The following TMPRSS11F variants were observed in gnomAD, a reference collection of about 807,000 sequenced individuals.
TMPRSS11F encodes transmembrane protease serine 11F.
In TMPRSS11F, 47 loss-of-function variants were observed where a neutral mutation model predicts 60.2. The ratio of observed to expected loss-of-function variants is 0.78; its 90% confidence interval spans 0.62 to 1.00. The LOEUF is 1.00. TMPRSS11F is among the 50% of genes least tolerant of loss of function. The pLI, the probability that TMPRSS11F is intolerant of heterozygous loss-of-function variation, is 0.00. For missense variants in TMPRSS11F, 519 were observed against 522.9 expected, an observed-to-expected ratio of 0.99 and a Z score of 0.07; for synonymous variants, 166 against 167.3, an observed-to-expected ratio of 0.99 and a Z score of 0.06.
At chr4:68,082,648 C>T (rs1173020031) in intron 3 of TMPRSS11F, among the ~76,000 whole-genome samples, 2 of 152,242 alleles carry the variant, frequency 1.3e-5, no homozygotes, top group African/African-American at 4.8e-5. Context: ...TCTCCAACCC[C>T]ATGAGGCCAG....
chr4:68,075,453 C>T lies in TMPRSS11F; in HGVS notation c.283-1444G>A, dbSNP rs75427764. Among the ~76,000 whole-genome samples, 390 of 152,248 alleles carry T rather than the reference C, an allele frequency of 2.6e-3. 2 individuals carry two copies. Among genetic ancestry groups the T allele is most frequent in the Non-Finnish European group, 4.1e-3 (277 of 68,014 alleles). On this transcript the variant is annotated intron_variant, in intron 3 of 9. Coordinates refer to ENST00000356291, the MANE Select transcript of TMPRSS11F (RefSeq NM_207407.2). ...CAACACAATCTTACCCCTTCATTGG[C>T]CCCTACTTTGCCCCATCCCTACCTT...
intron 1 of TMPRSS11F, among the ~76,000 whole-genome samples, chr4:68,107,859 C>A (rs1306964858): frequency 2.0e-5 from 3 of 152,116 alleles, no homozygotes; most frequent in Non-Finnish European, 4.4e-5. Context: ...ATCGCTTGAA[C>A]CCAGGAGGCA....
At position 68,098,981 on chromosome 4, in the gene TMPRSS11F, TTGC is replaced by T; in HGVS notation, c.66_68del (p.Gln23del). 6.2e-7 allele frequency: 1 copy of T among 1,613,358 alleles called. No individual in the cohort carries two copies. Among genetic ancestry groups the T allele is most frequent in the Non-Finnish European group, 8.5e-7 (1 of 1,179,602 alleles). ...GAGCTAGCCGTACTGAGTCCCAAAA[TTGC>T]TGCTTTCTTTGATATTCAGCTCGTG... On this transcript the variant is annotated inframe_deletion, in exon 2 of 10. Coordinates refer to ENST00000356291, the MANE Select transcript of TMPRSS11F (RefSeq NM_207407.2).
intron 2 of TMPRSS11F, among the ~76,000 whole-genome samples, chr4:68,094,923 G>A (rs954129975): frequency 2.6e-5 from 4 of 151,752 alleles, no homozygotes; most frequent in Non-Finnish European, 5.9e-5. Flanking sequence ...ATTTATCTGG[G>A]TCATGAAAAT....
chr4:68,113,414 T>TA (rs35420726), intron 1 of TMPRSS11F, among the ~76,000 whole-genome samples: 92,753 of 146,308 alleles, frequency 0.63, 30,006 homozygotes, highest in Admixed American at 0.74. Flanking sequence ...ATGAAAAATG[T>TA]AAAAAAAAAA....
intron 3 of TMPRSS11F, 69 bp from the exon 4 acceptor site, chr4:68,074,078 G>A (rs1334011238): frequency 1.0e-6 from 1 of 973,504 alleles, no homozygotes; most frequent in South Asian, 1.9e-5. Flanking sequence ...TTTTTTAAAA[G>A]AAGTATTAGT....
rs752600734 is a variant in TMPRSS11F, at chr4:68,112,244, G to GC, written c.12-13207dup. ...GAACTGTCTTTGAGCCTTTGAACAT[G>GC]CCCCCACACTTAACTGATCGTGCTC... is the stretch of plus-strand genomic sequence containing the variant. On this transcript the variant is annotated intron_variant, in intron 1 of 9. Coordinates refer to ENST00000356291, the MANE Select transcript of TMPRSS11F (RefSeq NM_207407.2). 1.4e-3 allele frequency among the ~76,000 whole-genome samples: 211 copies of GC among 152,154 alleles called. 1 individual carries two copies. Among genetic ancestry groups the GC allele is most frequent in the Middle Eastern group, 6.8e-3 (2 of 294 alleles).
In TMPRSS11F at chr4:68,069,991, C is replaced by G; in HGVS notation, c.531G>C (p.Lys177Asn). The G allele has an allele frequency of 6.2e-7, 1 of 1,603,676 alleles. No individual in the cohort carries two copies. Among genetic ancestry groups the G allele is most frequent in the Non-Finnish European group, 8.5e-7 (1 of 1,174,604 alleles). Residue 177 changes from lysine to asparagine, a missense_variant, in exon 6 of 10, where the codon AAG becomes AAC. Lys to Asn is a moderately conservative substitution (Grantham distance 94). Coordinates refer to ENST00000356291, the MANE Select transcript of TMPRSS11F (RefSeq NM_207407.2). ...TACGACTGTTGAGAAGATTCCTCAT[C>G]TTTTTGCTGTCAATAGCTGGAATAA... ...SFRLTPIDSK[K>N]MRNLLNSRCG... is the part of the protein sequence containing the mutation.
intron 5 of TMPRSS11F, among the ~76,000 whole-genome samples, chr4:68,071,167 A>G: frequency 6.6e-6 from 1 of 152,144 alleles, no homozygotes; most frequent in East Asian, 1.9e-4. Context: ...ATTTCCACTT[A>G]TAGAATGCTG....
intron 3 of TMPRSS11F, among the ~76,000 whole-genome samples, chr4:68,085,501 C>A (rs190359676): frequency 5.6e-4 from 85 of 152,272 alleles, no homozygotes; most frequent in African/African-American, 2.0e-3. Context: ...AGCCCACAGA[C>A]ATCATAAAGC....
intron 5 of TMPRSS11F, among the ~76,000 whole-genome samples, chr4:68,072,000 C>T (rs192035003): frequency 6.6e-6 from 1 of 151,728 alleles, no homozygotes; most frequent in African/African-American, 2.4e-5. Context: ...TTCCTTGAGT[C>T]TCAGCTTCTT....
intron 1 of TMPRSS11F, among the ~76,000 whole-genome samples, chr4:68,119,554 T>C (rs747085419): frequency 7.2e-5 from 11 of 152,094 alleles, no homozygotes; most frequent in Admixed American, 1.3e-4. Flanking sequence ...CTAGGGCCCT[T>C]AAGAATTATG....
intron 3 of TMPRSS11F, chr4:68,080,384 A>G (rs1052239745): frequency 6.6e-6 from 1 of 152,244 alleles, no homozygotes; most frequent in Non-Finnish European, 1.5e-5. Flanking sequence ...ATTGTAGTAG[A>G]TATTTGTTCT....
Position 68,053,881 on chromosome 4 carries a change from C to A in TMPRSS11F, c.*28G>T. On this transcript the variant is annotated 3_prime_UTR_variant, in exon 10 of 10. Transcript: ENST00000356291. ...ACGCAGGAGTATCAGCTCTGTGTGC[C>A]ATGTGTATAACTCATGGGCAATCCA... The A allele has an allele frequency of 6.3e-7, 1 of 1,594,304 alleles. No homozygotes were observed. The highest frequency in any genetic ancestry group is 8.6e-7 in the Non-Finnish European group (1 of 1,166,410).
In TMPRSS11F at chr4:68,055,714, C is replaced by T. The variant is rs538453059; in HGVS notation, c.1159-1647G>A. 4.4e-4 allele frequency among the ~76,000 whole-genome samples: 67 copies of T among 152,264 alleles called. 2 individuals are homozygous for T. In the South Asian group the frequency reaches 0.013, roughly 30 times the overall value. On this transcript the variant is annotated intron_variant, in intron 9 of 9. Transcript: ENST00000356291. ...ACTTAAGAAGGAATACTCCCAAACT[C>T]ATTTGACAAGGTGAGGATTACCTTG...
intron 8 of TMPRSS11F, chr4:68,062,995 A>C (rs1560392636): frequency 1.5e-6 from 1 of 689,512 alleles, no homozygotes; most frequent in East Asian, 3.1e-5. Flanking sequence ...ATGCGGATGT[A>C]CTTTCACTAC....
At chr4:68,116,738 G>A (rs937010747) in intron 1 of TMPRSS11F, among the ~76,000 whole-genome samples, 1 of 152,144 alleles carries the variant, frequency 6.6e-6, no homozygotes, top group South Asian at 2.1e-4. Flanking sequence ...AATACACAAT[G>A]TATAAAAGAT....
At chr4:68,064,518 G>A (rs946163926) in intron 8 of TMPRSS11F, among the ~76,000 whole-genome samples, 167 bp downstream of exon 8, 2 of 152,048 alleles carry the variant, frequency 1.3e-5, no homozygotes, top group Non-Finnish European at 2.9e-5. Flanking sequence ...TCAAATACAG[G>A]ACCTGATTTT....
chr4:68,093,499 A>C (rs1471534309), intron 2 of TMPRSS11F, among the ~76,000 whole-genome samples: 1 of 152,174 alleles, frequency 6.6e-6, no homozygotes, highest in East Asian at 1.9e-4. Flanking sequence ...CAAGGACTTC[A>C]TGTCTAAAAC....
Sources: allele counts gnomAD v4.1 joint callset (sites outside exome capture counted in the v4.1 genomes callset), GRCh38; gene constraint gnomAD v4.1.1; transcripts MANE v1.5; gene names NCBI Gene and HGNC (gene_info 2026-07-23, HGNC 2026-07-21).